The following FSTL4 variants were observed in gnomAD, a reference collection of about 807,000 sequenced individuals.
FSTL4 encodes the protein follistatin like 4, also known as follistatin-related protein 4.
A neutral mutation model predicts 78.2 loss-of-function variants in FSTL4; 28 were observed. That is an observed-to-expected ratio of 0.36 (90% CI 0.27 to 0.49). The LOEUF is 0.49. FSTL4 is among the 20% of genes least tolerant of loss of function. FSTL4 has a pLI of 0.98. For missense variants in FSTL4, 922 were observed against 1,084.9 expected, an observed-to-expected ratio of 0.85 and a Z score of 2.11; for synonymous variants, 422 against 440.5, an observed-to-expected ratio of 0.96 and a Z score of 0.53.
chr5:133,371,404 A>G (rs1432938171), intron 4 of FSTL4, among the ~76,000 whole-genome samples: 2 of 152,184 alleles, frequency 1.3e-5, no homozygotes, highest in Non-Finnish European at 2.9e-5. Context: ...AATCATGGCT[A>G]GTGTCCCTAA....
At chr5:133,829,406 A>G in the FSTL4 span, among the ~76,000 whole-genome samples, 3 of 152,258 alleles carry the variant, frequency 2.0e-5, no homozygotes, top group East Asian at 1.9e-4. Flanking sequence ...AAAAGAAAGA[A>G]AAAGCTCAAA....
chr5:133,755,434 A>G, the FSTL4 span, among the ~76,000 whole-genome samples: 9 of 152,146 alleles, frequency 5.9e-5, no homozygotes. Context: ...TTCCTCCACC[A>G]GCTCTCTTGG....
chr5:133,561,265 T>C (rs567848034), intron 3 of FSTL4, among the ~76,000 whole-genome samples: 5 of 152,056 alleles, frequency 3.3e-5, no homozygotes, highest in African/African-American at 1.2e-4. Context: ...GTAAGAGCTC[T>C]AGTAAAAATT....
intron 7 of FSTL4, chr5:133,246,854 T>C (rs965163463): frequency 6.6e-6 from 1 of 152,202 alleles, no homozygotes; most frequent in African/African-American, 2.4e-5. Context: ...TAGAACACCA[T>C]ACGTGAAGAG....
intron 4 of FSTL4, among the ~76,000 whole-genome samples, chr5:133,373,282 A>G (rs1314942510): frequency 1.3e-5 from 2 of 152,214 alleles, no homozygotes; most frequent in Non-Finnish European, 2.9e-5. Flanking sequence ...AAGAGCTGAC[A>G]TGACACCACC....
At chr5:133,515,877 G>A (rs533475446) in intron 3 of FSTL4, among the ~76,000 whole-genome samples, 6 of 152,056 alleles carry the variant, frequency 3.9e-5, no homozygotes, top group South Asian at 2.1e-4. Flanking sequence ...CAACAATTCC[G>A]TATATTGAAA....
intron 13 of FSTL4, among the ~76,000 whole-genome samples, chr5:133,215,536 T>C (rs1429270797): frequency 1.3e-5 from 2 of 152,232 alleles, no homozygotes; most frequent in Non-Finnish European, 2.9e-5. Context: ...TCTAACAGTA[T>C]TTTAAACTTA....
chr5:133,824,628 C>T, the FSTL4 span, among the ~76,000 whole-genome samples: 23 of 152,282 alleles, frequency 1.5e-4, no homozygotes, highest in African/African-American at 5.1e-4. Context: ...TAAGAAGACT[C>T]GGGGCGAAGA....
At position 133,315,208 on chromosome 5, in the gene FSTL4, A is replaced by G. The variant is rs76830057; in HGVS notation, c.603+1251T>C. On this transcript the variant is annotated intron_variant, in intron 5 of 15. Transcript: ENST00000265342. ...CAGGTACCACTCTAAGCCATTCACT[A>G]TCTTAGCTCATTTAACCCTCATGAT... Among the ~76,000 whole-genome samples the G allele has an allele frequency of 5.3e-3, 805 of 152,300 alleles. 11 individuals are homozygous for G. The highest frequency in any genetic ancestry group is 0.017 in the East Asian group (89 of 5,186).
At chr5:133,706,049 C>A in the FSTL4 span, among the ~76,000 whole-genome samples, 1 of 152,218 alleles carries the variant, frequency 6.6e-6, no homozygotes, top group East Asian at 1.9e-4. Context: ...CCCATAAAGT[C>A]TGTCAACAGT....
At chr5:133,561,098 A>G (rs1759903402) in intron 3 of FSTL4, among the ~76,000 whole-genome samples, 1 of 105,442 alleles carries the variant, frequency 9.5e-6, no homozygotes, top group African/African-American at 2.9e-5. Context: ...CAAAATAATA[A>G]TAATAATAAT....
intron 6 of FSTL4, chr5:133,275,986 G>C (rs1049937407): frequency 6.6e-6 from 1 of 152,198 alleles, no homozygotes; most frequent in Non-Finnish European, 1.5e-5. Flanking sequence ...TATTGGTTTT[G>C]CAGTTTGCTT....
chr5:133,779,565 G>A, the FSTL4 span, among the ~76,000 whole-genome samples: 8 of 152,058 alleles, frequency 5.3e-5, no homozygotes, highest in Admixed American at 2.6e-4. Context: ...CAGCGTGGGC[G>A]ACAGAGCAAA....
intron 4 of FSTL4, among the ~76,000 whole-genome samples, chr5:133,384,033 G>A (rs1755640365): frequency 6.6e-6 from 1 of 152,118 alleles, no homozygotes; most frequent in South Asian, 2.1e-4. Flanking sequence ...TAAGCTTTTG[G>A]AAGAAAAGAA....
chr5:133,444,505 A>T (rs1757221215), intron 3 of FSTL4, among the ~76,000 whole-genome samples: 1 of 152,226 alleles, frequency 6.6e-6, no homozygotes, highest in Non-Finnish European at 1.5e-5. Flanking sequence ...CAGGGTGATC[A>T]AAAAAGGTCT....
the FSTL4 span, among the ~76,000 whole-genome samples, chr5:133,749,108 G>T: frequency 2.0e-5 from 3 of 152,184 alleles, no homozygotes; most frequent in Non-Finnish European, 2.9e-5. Context: ...TAGAAGAGTT[G>T]ATCTTAACCA....
chr5:133,598,722 G>GC (rs34853173), intron 2 of FSTL4, among the ~76,000 whole-genome samples: 14,232 of 151,752 alleles, frequency 0.094, 813 homozygotes, highest in African/African-American at 0.16. Context: ...TTATCCCAGG[G>GC]TCCACGGCCC....
chr5:133,298,671 C>G lies in FSTL4; in HGVS notation c.727+13983G>C, dbSNP rs1753463223. ...ACTTCAAAGACCATGTCTGTCACAT[C>G]TGAGAGCAGGAAACTCAGCCATGGT... On this transcript the variant is annotated intron_variant, in intron 6 of 15. Coordinates refer to ENST00000265342, the MANE Select transcript of FSTL4 (RefSeq NM_015082.2). 2.0e-5 allele frequency among the ~76,000 whole-genome samples: 3 copies of G among 152,244 alleles called. No homozygotes were observed. The East Asian group carries it at 5.8e-4, about 29-fold the overall frequency.
intron 3 of FSTL4, among the ~76,000 whole-genome samples, chr5:133,460,193 G>C (rs1757565329): frequency 1.3e-5 from 2 of 152,124 alleles, no homozygotes; most frequent in African/African-American, 4.8e-5. Flanking sequence ...TTCATTTTCA[G>C]TACATCTCTG....
Sources: gnomAD v4.1 joint callset for allele counts (sites outside exome capture counted in the v4.1 genomes callset) on GRCh38, gnomAD v4.1.1 for gene constraint, MANE v1.5 for transcripts, NCBI Gene and HGNC (gene_info 2026-07-23, HGNC 2026-07-21) for gene names.